FABP12: variants seen among roughly 807,000 people sequenced by gnomAD.
FABP12 encodes the protein fatty acid-binding protein 12.
A neutral mutation model predicts 13.7 loss-of-function variants in FABP12; 19 were observed. That is an observed-to-expected ratio of 1.39 (90% CI 0.97 to 2.04). The LOEUF (loss-of-function observed/expected upper bound fraction) is 2.04, where lower values mean the gene tolerates loss of function less well. FABP12 is among the 30% of genes most tolerant of loss of function. The probability of loss-of-function intolerance (pLI) is 0.00; values close to 1 mark genes in which losing one functional copy is unlikely to be tolerated. For missense variants in FABP12, 182 were observed against 164.2 expected (o/e 1.11, Z -0.59); for synonymous variants, 61 against 57.0 (o/e 1.07, Z -0.32).
intron 1 of FABP12, among the ~76,000 whole-genome samples, chr8:81,581,772 CA>C (rs1318247538): frequency 6.6e-6 from 1 of 152,056 alleles, no homozygotes; most frequent in African/African-American, 2.4e-5. Context: ...TCTAAACAAG[CA>C]AAAACTGAGA....
chr8:81,539,992 T>C (rs1309193257), intron 1 of FABP12, among the ~76,000 whole-genome samples: 1 of 152,210 alleles, frequency 6.6e-6, no homozygotes, highest in South Asian at 2.1e-4. Flanking sequence ...CCAACTCCTA[T>C]GAGCCGGCAT....
At chr8:81,534,286 G>C (rs1809167638), upstream of FABP12, among the ~76,000 whole-genome samples, 1 of 152,128 alleles carries the variant, frequency 6.6e-6, no homozygotes, top group Non-Finnish European at 1.5e-5. Flanking sequence ...ACTCAAAGCA[G>C]GGAGCCTTTC....
chr8:81,531,427 G>A (rs1809072829), intron 1 of FABP12, 37 bp from the exon 2 acceptor site: 2 of 662,608 alleles, frequency 3.0e-6, no homozygotes, highest in South Asian at 2.0e-5. Context: ...AGAATGAGAT[G>A]AGAAAAGTTA....
chr8:81,562,267 G>C (rs944899639), intron 1 of FABP12, among the ~76,000 whole-genome samples: 1 of 152,172 alleles, frequency 6.6e-6, no homozygotes, highest in African/African-American at 2.4e-5. Context: ...ATCAGCAGTG[G>C]TACCCCGGCA....
intron 1 of FABP12, among the ~76,000 whole-genome samples, chr8:81,573,160 T>C (rs904625700): frequency 2.4e-4 from 37 of 152,234 alleles, no homozygotes; most frequent in Admixed American, 7.2e-4. Flanking sequence ...TTCATTCTCC[T>C]ACATGTGGCT....
At chr8:81,578,589 G>A (rs1450062556) in intron 1 of FABP12, among the ~76,000 whole-genome samples, 2 of 150,352 alleles carry the variant, frequency 1.3e-5, no homozygotes, top group Admixed American at 6.6e-5. Flanking sequence ...AGGTTCAAGC[G>A]ATTCTCCTGC....
rs1306378148 is a variant in FABP12 at position 81,588,263 on chromosome 8, G to A, written c.-185+1790C>T. 2.0e-5 allele frequency among the ~76,000 whole-genome samples: 3 copies of A among 152,188 alleles called. 1 individual carries two copies. The highest frequency in any genetic ancestry group is 2.0e-4 in the Admixed American group (3 of 15,272). Reference sequence around the variant, plus strand: ...ATCACAGAGCCTTTGGGCAGAGACTGTGGGGTTTTCTAGATATAGAATCAT... The same window carrying A: ...ATCACAGAGCCTTTGGGCAGAGACTATGGGGTTTTCTAGATATAGAATCAT... On this transcript the variant is annotated intron_variant, in intron 1 of 5. Coordinates refer to the FABP12 transcript ENST00000692030.
intron 1 of FABP12, among the ~76,000 whole-genome samples, chr8:81,588,054 C>T (rs545882587): frequency 3.9e-5 from 6 of 152,274 alleles, no homozygotes; most frequent in East Asian, 3.9e-4. Flanking sequence ...CGTTCCTCTG[C>T]CTGCTTTTAT....
At chr8:81,531,412 G>A in intron 1 of FABP12, 22 bp from the exon 2 acceptor site, 3 of 749,632 alleles carry the variant, frequency 4.0e-6, no homozygotes, top group African/African-American at 1.8e-5. Context: ...TACAATTTTG[G>A]GTAGAGAATG....
intron 1 of FABP12, among the ~76,000 whole-genome samples, chr8:81,578,561 C>CCG (rs1239159469): frequency 4.6e-5 from 7 of 151,028 alleles, no homozygotes; most frequent in African/African-American, 1.7e-4. Context: ...TCTCAGCTCA[C>CCG]CGCAACATCC....
At chr8:81,544,517 G>A (rs1190606658) in intron 1 of FABP12, among the ~76,000 whole-genome samples, 1 of 152,162 alleles carries the variant, frequency 6.6e-6, no homozygotes. Context: ...CCATTAGAGT[G>A]TGGACATATT....
rs968118792 is a variant in FABP12 at position 81,556,180 on chromosome 8, A to G, written c.-184-16437T>C. On this transcript the variant is annotated intron_variant, in intron 1 of 5. Transcript: ENST00000692030. Reference sequence around the variant, plus strand: ...GTTTCATTCCTGGTTCCACAATAACACTGATTAGTGGTTGGATGGAAAGCC... The same window carrying G: ...GTTTCATTCCTGGTTCCACAATAACGCTGATTAGTGGTTGGATGGAAAGCC... Among the ~76,000 whole-genome samples the G allele has an allele frequency of 4.6e-5, 7 of 152,290 alleles. No homozygotes were observed. In the South Asian group the frequency reaches 1.2e-3, roughly 27 times the overall value.
rs71268012 is a variant in FABP12, at chr8:81,578,823, G to GTTTCTTTTTTTTTTTTTTTTTTTTTTT, written c.-185+11229_-185+11230insAAAAAAAAAAAAAAAAAAAAAAAGAAA. On this transcript the variant is annotated intron_variant, in intron 1 of 5. Coordinates refer to the FABP12 transcript ENST00000692030. ...TACAGAATCTGACACATTTGTTCAA[G>GTTTCTTTTTTTTTTTTTTTTTTTTTTT]TTTTTTTTTTTTTTTTTTTGAGAAG... Among the ~76,000 whole-genome samples, 3 of 105,666 alleles carry GTTTCTTTTTTTTTTTTTTTTTTTTTTT rather than the reference G, an allele frequency of 2.8e-5. 1 individual carries two copies. Among genetic ancestry groups the GTTTCTTTTTTTTTTTTTTTTTTTTTTT allele is most frequent in the African/African-American group, 1.2e-4 (3 of 24,574 alleles). The allele number at this position is 105,666 out of a possible 152,430, so 69.3% of individuals were successfully genotyped here. A position where few individuals can be genotyped will look rare whatever the true frequency, so the allele number is the denominator to read the frequency against.
intron 1 of FABP12, among the ~76,000 whole-genome samples, chr8:81,577,709 C>T (rs999766618): frequency 7.9e-5 from 12 of 152,088 alleles, no homozygotes; most frequent in Non-Finnish European, 1.6e-4. Context: ...TGCAGTGAGC[C>T]GAGATTCCGC....
chr8:81,587,152 G>T (rs35691183), intron 1 of FABP12, among the ~76,000 whole-genome samples: 2,916 of 152,186 alleles, frequency 0.019, 65 homozygotes, highest in African/African-American at 0.056. Context: ...ATTGGTCTAT[G>T]TGTCTGTTTT....
At chr8:81,561,934 G>A (rs932168751) in intron 1 of FABP12, among the ~76,000 whole-genome samples, 3 of 152,166 alleles carry the variant, frequency 2.0e-5, no homozygotes, top group Non-Finnish European at 2.9e-5. Flanking sequence ...GTGAACTTGG[G>A]ATGCACATGA....
At chr8:81,574,711 T>G (rs1264445571) in intron 1 of FABP12, among the ~76,000 whole-genome samples, 1 of 152,166 alleles carries the variant, frequency 6.6e-6, no homozygotes, top group African/African-American at 2.4e-5. Context: ...TATCCATCTC[T>G]TCTAGGTTTT....
At chr8:81,533,763 G>A (rs7832953) in intron 1 of FABP12, among the ~76,000 whole-genome samples, 39 bp downstream of exon 1, 37,390 of 152,000 alleles carry the variant, frequency 0.25, 5,890 homozygotes, top group African/African-American at 0.46. Context: ...TGCAGTGGTG[G>A]GTGACATGGG....
intron 1 of FABP12, among the ~76,000 whole-genome samples, chr8:81,560,543 G>T (rs1809706015): frequency 6.6e-6 from 1 of 152,122 alleles, no homozygotes; most frequent in African/African-American, 2.4e-5. Flanking sequence ...CCATCAGCCA[G>T]ACAAAACACA....
Sources: gnomAD v4.1 joint callset for allele counts (sites outside exome capture counted in the v4.1 genomes callset) on GRCh38, gnomAD v4.1.1 for gene constraint, MANE v1.5 for transcripts, NCBI Gene and HGNC (gene_info 2026-07-23, HGNC 2026-07-21) for gene names.